The following SMOC1 variants were observed in gnomAD, a reference collection of about 807,000 sequenced individuals.
SMOC1 encodes the protein SPARC-related modular calcium-binding protein 1.
A neutral mutation model predicts 56.3 loss-of-function variants in SMOC1; 22 were observed. That is an observed-to-expected ratio of 0.39 (90% confidence interval 0.28 to 0.56). The LOEUF (loss-of-function observed/expected upper bound fraction) is 0.56. SMOC1 is among the 20% of genes least tolerant of loss of function. The pLI, the probability that SMOC1 is intolerant of heterozygous loss-of-function variation, is 0.61. For missense variants in SMOC1, 509 were observed against 565.4 expected (o/e 0.90, Z 1.01); for synonymous variants, 193 against 215.0 (o/e 0.90, Z 0.89).
intron 5 of SMOC1, among the ~76,000 whole-genome samples, chr14:69,983,614 C>T (rs1367999078): frequency 6.6e-6 from 1 of 152,220 alleles, no homozygotes; most frequent in African/African-American, 2.4e-5. Flanking sequence ...CTAAGGAAAG[C>T]CCCTTGGAGC....
chr14:69,900,001 A>G lies in SMOC1; in HGVS notation c.99+20224A>G, dbSNP rs1884200613. On this transcript the variant is annotated intron_variant, in intron 1 of 11. Coordinates refer to ENST00000361956, the MANE Select transcript of SMOC1 (RefSeq NM_001034852.3). ...TTTGTTCAGCTTTTTACTTGTTGTTAGGATGGACTGGAGGCTACCAAGCTT... is the reference window on the plus strand; with the variant it reads ...TTTGTTCAGCTTTTTACTTGTTGTTGGGATGGACTGGAGGCTACCAAGCTT... Among the ~76,000 whole-genome samples, 4 of 152,202 alleles carry G rather than the reference A, an allele frequency of 2.6e-5. 1 individual carries two copies. The South Asian group carries it at 8.3e-4, about 32-fold the overall frequency.
At chr14:69,998,787 C>A (rs1338977853) in intron 7 of SMOC1, among the ~76,000 whole-genome samples, 2 of 152,240 alleles carry the variant, frequency 1.3e-5, no homozygotes, top group African/African-American at 4.8e-5. Flanking sequence ...GACTCTGTGG[C>A]CTCAAGTGGA....
Position 69,997,904 on chromosome 14 carries a change from G to A in SMOC1, c.664+3424G>A, listed in dbSNP as rs997683131. 4.6e-5 allele frequency among the ~76,000 whole-genome samples: 7 copies of A among 152,118 alleles called. No homozygotes were observed. In the South Asian group the frequency reaches 6.2e-4, roughly 14 times the overall value. ...GCCATGGGACTCCGTGAAGCCCATC[G>A]GGGTGAGAGCTCTTCTTCTCAGCTG... On this transcript the variant is annotated intron_variant, in intron 7 of 11. Coordinates refer to ENST00000361956, the MANE Select transcript of SMOC1 (RefSeq NM_001034852.3).
At chr14:69,906,747 TCCACTGAATTTGC>T (rs1884419053) in intron 1 of SMOC1, among the ~76,000 whole-genome samples, 1 of 152,116 alleles carries the variant, frequency 6.6e-6, no homozygotes, top group South Asian at 2.1e-4. Flanking sequence ...CTAAGAGACA[TCCACTGAATTTGC>T]CCACTAGGAA....
chr14:69,974,698 A>G (rs577078714), intron 3 of SMOC1, among the ~76,000 whole-genome samples: 7 of 152,130 alleles, frequency 4.6e-5, no homozygotes, highest in Admixed American at 2.0e-4. Context: ...GGGTAGGGTG[A>G]CAGCTACTGG....
intron 10 of SMOC1, among the ~76,000 whole-genome samples, chr14:70,021,222 G>A (rs529061942): frequency 2.0e-5 from 3 of 152,236 alleles, no homozygotes; most frequent in Admixed American, 2.0e-4. Context: ...CTGCTCCACA[G>A]CCTGTGTCCT....
intron 5 of SMOC1, among the ~76,000 whole-genome samples, chr14:69,985,487 G>GAA (rs149464761): frequency 6.6e-6 from 1 of 152,050 alleles, no homozygotes; most frequent in Non-Finnish European, 1.5e-5. Flanking sequence ...GCTGAAAGTA[G>GAA]AAAAAAAACC....
intron 7 of SMOC1, among the ~76,000 whole-genome samples, chr14:69,998,047 A>G (rs909440089): frequency 6.6e-6 from 1 of 152,172 alleles, no homozygotes; most frequent in African/African-American, 2.4e-5. Flanking sequence ...GATGTTGGAA[A>G]GGTTCCACTG....
intron 1 of SMOC1, among the ~76,000 whole-genome samples, chr14:69,943,575 C>T (rs965750078): frequency 2.6e-5 from 4 of 152,188 alleles, no homozygotes; most frequent in African/African-American, 7.2e-5. Flanking sequence ...TGGTGAGAGG[C>T]GAACAGTCCC....
At position 69,952,170 on chromosome 14, in the gene SMOC1, C is replaced by A. The variant is rs754093401; in HGVS notation, c.132C>A (p.Asn44Lys). 6.6e-5 allele frequency: 106 copies of A among 1,614,070 alleles called. No homozygotes were observed. In the South Asian group the frequency reaches 8.3e-4, roughly 13 times the overall value. The change falls in exon 2 of 12, where the codon AAC becomes AAA. Residue 44 changes from asparagine to lysine, a missense_variant. By Grantham distance (94) the Asn-to-Lys change is moderately conservative. This residue lies in a region of SMOC1 where 315 missense variants were observed against 333.1 expected (regional missense o/e 0.95). Transcript: ENST00000361956. ...FLISDRDPQC[N>K]LHCSRTQPKP... is the part of the protein sequence containing the mutation. ...TAAGTGACCGTGACCCACAGTGCAA[C>A]CTCCACTGCTCCAGGACTCAACCCA...
At chr14:69,890,597 G>T (rs1355498561) in intron 1 of SMOC1, among the ~76,000 whole-genome samples, 4 of 152,134 alleles carry the variant, frequency 2.6e-5, no homozygotes, top group Non-Finnish European at 5.9e-5. Context: ...CCTGATTCCT[G>T]AGTCACCCTG....
At chr14:69,955,800 C>A (rs1883164227) in intron 3 of SMOC1, among the ~76,000 whole-genome samples, 5 of 152,134 alleles carry the variant, frequency 3.3e-5, no homozygotes, top group African/African-American at 1.2e-4. Context: ...TGTGGGTGAT[C>A]TTTGTATATA....
chr14:69,936,105 G>C (rs1885288652), intron 1 of SMOC1, among the ~76,000 whole-genome samples: 2 of 152,136 alleles, frequency 1.3e-5, no homozygotes, highest in Non-Finnish European at 2.9e-5. Context: ...TTGGCCCTGT[G>C]ATTTTCATTT....
Position 69,918,126 on chromosome 14 carries a change from A to G in SMOC1, c.100-34012A>G, listed in dbSNP as rs1884734813. Among the ~76,000 whole-genome samples, 3 of 152,332 alleles carry G rather than the reference A, an allele frequency of 2.0e-5. No homozygotes were observed. The South Asian group carries it at 6.2e-4, about 32-fold the overall frequency. ...GCTATCATCTTTTTATGGTGAGAAT[A>G]CTTAACATCTACTCTCTTAGTAACT... is the stretch of plus-strand genomic sequence containing the variant. On this transcript the variant is annotated intron_variant, in intron 1 of 11. Transcript: ENST00000361956.
intron 1 of SMOC1, among the ~76,000 whole-genome samples, chr14:69,921,640 C>T (rs1363150634): frequency 6.6e-6 from 1 of 152,152 alleles, no homozygotes; most frequent in Non-Finnish European, 1.5e-5. Flanking sequence ...AGGGTGAGGG[C>T]TGACATAAAC....
chr14:69,923,427 G>C (rs1044264521), intron 1 of SMOC1, among the ~76,000 whole-genome samples: 9 of 152,162 alleles, frequency 5.9e-5, no homozygotes, highest in Non-Finnish European at 1.2e-4. Flanking sequence ...GGGAGCACAG[G>C]GGGTAATAGC....
intron 1 of SMOC1, among the ~76,000 whole-genome samples, chr14:69,933,393 CAT>C (rs572585518): frequency 6.6e-6 from 1 of 152,008 alleles, no homozygotes; most frequent in Non-Finnish European, 1.5e-5. Context: ...TTAGTTAACA[CAT>C]GTACTGTTTC....
rs879067025 is a variant in SMOC1, at chr14:69,978,142, A to G, written c.526+177A>G. On this transcript the variant is annotated intron_variant, in intron 5 of 11. Transcript: ENST00000361956. The stretch of plus-strand genomic sequence containing the variant: ...CACCCGAGGTAAGTAAGGCTCATAC[A>G]GTGATGGACACCAAGCTCCCAGATT... 2.7e-5 allele frequency: 18 copies of G among 666,460 alleles called. 1 individual carries two copies. The highest frequency in any genetic ancestry group is 2.6e-4 in the South Asian group (16 of 60,574). The allele number at this position is 666,460 out of a possible 1,614,324, so 41.3% of individuals were successfully genotyped here.
chr14:69,883,947 C>T (rs1478643259), intron 1 of SMOC1, among the ~76,000 whole-genome samples: 58 of 133,780 alleles, frequency 4.3e-4, no homozygotes, highest in African/African-American at 1.4e-3. Context: ...TCGCCCAGGC[C>T]GGACTGCGGA....
Sources: gnomAD v4.1 joint callset for allele counts (sites outside exome capture counted in the v4.1 genomes callset) on GRCh38, gnomAD v4.1.1 for gene constraint, gnomAD v4.1.1 regional missense constraint, MANE v1.5 for transcripts, NCBI Gene and HGNC (gene_info 2026-07-23, HGNC 2026-07-21) for gene names.